The following MIB1 variants were observed in gnomAD, a reference collection of about 807,000 sequenced individuals.
MIB1 encodes MIB E3 ubiquitin protein ligase 1, also known as E3 ubiquitin-protein ligase MIB1.
MIB1 carries 278 observed loss-of-function variants against 124.5 expected under a neutral mutation model. The observed-to-expected ratio is 2.23, with a 90% CI of 2.02 to 2.47. MIB1 has a LOEUF of 2.47. Ranked by LOEUF, MIB1 falls within the 30% of genes most tolerant of loss-of-function variation. The pLI is 0.00. For synonymous variants in MIB1, 446 were observed against 429.4 expected (o/e 1.04, Z -0.48); for missense variants, 957 against 1,254.4 (o/e 0.76, Z 3.58).
In MIB1 at chr18:21,864,587, C is replaced by T; in HGVS notation, c.2942C>T (p.Thr981Ile). 6.2e-7 allele frequency: 1 copy of T among 1,613,668 alleles called. No individual in the cohort carries two copies. The highest frequency in any genetic ancestry group is 8.5e-7 in the Non-Finnish European group (1 of 1,179,594). The change falls in exon 21 of 21, where the codon ACC becomes ATC. Residue 981 changes from threonine to isoleucine, a missense_variant. By Grantham distance (89) the Thr-to-Ile change is moderately conservative (BLOSUM62 -1). Transcript: ENST00000261537. Reference sequence around the variant, plus strand: ...ATGATTTTCCTTTGTGGTCACGGAACCTGTCAACTCTGTGGAGACCGCATG... The same window carrying T: ...ATGATTTTCCTTTGTGGTCACGGAATCTGTCAACTCTGTGGAGACCGCATG... Reference protein sequence around the residue: ...KNMIFLCGHGTCQLCGDRMSE... With the variant: ...KNMIFLCGHGICQLCGDRMSE...
chr18:21,845,001 ATT>A (rs1035173577), intron 15 of MIB1, among the ~76,000 whole-genome samples: 13 of 150,182 alleles, frequency 8.7e-5, no homozygotes, highest in South Asian at 8.4e-4. Context: ...TTGGTAGGAG[ATT>A]TGTCTTTTCA....
At chr18:21,735,686 G>C (rs1354546894) in intron 1 of MIB1, among the ~76,000 whole-genome samples, 1 of 152,156 alleles carries the variant, frequency 6.6e-6, no homozygotes, top group East Asian at 1.9e-4. Context: ...AAGCTTGGTC[G>C]GGGGGAGGGG....
chr18:21,793,535 G>A (rs140280961), intron 7 of MIB1, among the ~76,000 whole-genome samples: 50 of 152,120 alleles, frequency 3.3e-4, no homozygotes, highest in African/African-American at 1.2e-3. Context: ...TAATCCCAGT[G>A]CTTTGGGAGG....
chr18:21,863,075 C>T (rs1336597140), intron 20 of MIB1, among the ~76,000 whole-genome samples: 2 of 152,154 alleles, frequency 1.3e-5, no homozygotes, highest in African/African-American at 2.4e-5. Context: ...GTCATACTTG[C>T]GACAGAGGTG....
chr18:21,782,248 C>T (rs1049690512), intron 6 of MIB1, among the ~76,000 whole-genome samples: 2 of 152,062 alleles, frequency 1.3e-5, no homozygotes, highest in African/African-American at 2.4e-5. Flanking sequence ...TCAGCCTTCC[C>T]GAGTAGCTGG....
intron 2 of MIB1, among the ~76,000 whole-genome samples, chr18:21,767,507 A>G (rs1358410747): frequency 6.6e-6 from 1 of 152,094 alleles, no homozygotes; most frequent in Non-Finnish European, 1.5e-5. Context: ...ACACAACCAA[A>G]TCATATCAAT....
chr18:21,785,430 A>T (rs923200807), intron 6 of MIB1, among the ~76,000 whole-genome samples: 1 of 152,222 alleles, frequency 6.6e-6, no homozygotes, highest in African/African-American at 2.4e-5. Context: ...TATTATAGAT[A>T]TAACAAGTTA....
At chr18:21,821,603 GT>G (rs1331934133) in intron 12 of MIB1, among the ~76,000 whole-genome samples, 189 of 135,376 alleles carry the variant, frequency 1.4e-3, no homozygotes, top group African/African-American at 4.2e-3. Context: ...TGTTTTTTTT[GT>G]TTTTTTTTTT....
chr18:21,753,095 G>T (rs2040993160), intron 1 of MIB1, among the ~76,000 whole-genome samples: 1 of 151,906 alleles, frequency 6.6e-6, no homozygotes, highest in African/African-American at 2.4e-5. Flanking sequence ...AATTATTTAT[G>T]GAAAAATATA....
chr18:21,748,813 A>G (rs1022617476), intron 1 of MIB1, among the ~76,000 whole-genome samples: 21 of 148,554 alleles, frequency 1.4e-4, no homozygotes, highest in Non-Finnish European at 3.0e-4. Context: ...GCTCATTGCA[A>G]CCTCGAATTC....
intron 17 of MIB1, among the ~76,000 whole-genome samples, chr18:21,851,586 G>A (rs1264138508): frequency 6.6e-6 from 1 of 152,116 alleles, no homozygotes; most frequent in East Asian, 1.9e-4. Flanking sequence ...AGTATTTGGA[G>A]GGAGGTATAA....
At chr18:21,779,788 CT>C (rs1340216431) in intron 6 of MIB1, 103 bp downstream of exon 6, 9 of 909,534 alleles carry the variant, frequency 9.9e-6, no homozygotes, top group Admixed American at 2.1e-5. Context: ...CTCATTAAAG[CT>C]AGCTTTTAGA....
chr18:21,716,965 GAA>G (rs2040692512), intron 1 of MIB1, among the ~76,000 whole-genome samples: 1 of 152,030 alleles, frequency 6.6e-6, no homozygotes, highest in South Asian at 2.1e-4. Context: ...TAAGCAAAAA[GAA>G]AAAATCTGGA....
chr18:21,801,064 T>G (rs961885204), intron 9 of MIB1, among the ~76,000 whole-genome samples: 1 of 152,166 alleles, frequency 6.6e-6, no homozygotes, highest in African/African-American at 2.4e-5. Flanking sequence ...TCTATAAGAT[T>G]TGTTATGAAA....
chr18:21,847,600 T>G (rs1223918718), intron 16 of MIB1, among the ~76,000 whole-genome samples: 1 of 152,312 alleles, frequency 6.6e-6, no homozygotes, highest in Admixed American at 6.5e-5. Flanking sequence ...TAGCTGGGAC[T>G]GTATGCATGT....
Position 21,838,135 on chromosome 18 carries a change from C to G in MIB1, c.1830-230C>G, listed in dbSNP as rs1255632287. Among the ~76,000 whole-genome samples the G allele has an allele frequency of 2.0e-5, 3 of 152,080 alleles. No individual in the cohort carries two copies. The East Asian group carries it at 5.8e-4, about 29-fold the overall frequency. On this transcript the variant is annotated intron_variant, in intron 12 of 20. Transcript: ENST00000261537. Reference sequence around the variant, plus strand: ...TCAAAAAGCTAGCTGGGCATGGTGGCATGTACCTGTAGTCTCTGTCAAGGC... The same window carrying G: ...TCAAAAAGCTAGCTGGGCATGGTGGGATGTACCTGTAGTCTCTGTCAAGGC...
intron 12 of MIB1, among the ~76,000 whole-genome samples, chr18:21,832,958 C>A (rs1347656287): frequency 6.6e-6 from 1 of 152,172 alleles, no homozygotes; most frequent in African/African-American, 2.4e-5. Context: ...GGTTCTCTTT[C>A]TAAGCCCTTT....
chr18:21,738,752 A>C (rs201991235), upstream of MIB1, among the ~76,000 whole-genome samples: 1 of 137,242 alleles, frequency 7.3e-6, no homozygotes, highest in East Asian at 2.3e-4. Flanking sequence ...GCTTGCAGTG[A>C]GCTGAGATCA....
chr18:21,840,655 ATATATATATATTTTTT>A (rs1182446808), intron 13 of MIB1, among the ~76,000 whole-genome samples: 393 of 3,644 alleles, frequency 0.11, 9 homozygotes, highest in Non-Finnish European at 0.1. Context: ...ATATATATAT[ATATATATATATTTTTT>A]TTTTTTTTTA....
Sources: allele counts gnomAD v4.1 joint callset (sites outside exome capture counted in the v4.1 genomes callset), GRCh38; gene constraint gnomAD v4.1.1; transcripts MANE v1.5; gene names NCBI Gene and HGNC (gene_info 2026-07-23, HGNC 2026-07-21).